SH3KBP1: variants seen among roughly 807,000 people sequenced by gnomAD.
SH3KBP1 encodes the protein SH3 domain-containing kinase-binding protein 1.
SH3KBP1 carries 8 observed loss-of-function variants against 50.1 expected under a neutral mutation model. The observed-to-expected ratio is 0.16, with a 90% CI of 0.09 to 0.29. SH3KBP1 has a LOEUF of 0.29. Among genes scored for constraint, SH3KBP1 ranks in the 10% least tolerant of loss-of-function variants. SH3KBP1 has a pLI of 1.00. For missense variants in SH3KBP1, 377 were observed against 535.2 expected (o/e 0.70, Z 2.92); for synonymous variants, 227 against 218.6 (o/e 1.04, Z -0.34).
intron 1 of SH3KBP1, among the ~76,000 whole-genome samples, chrX:19,847,242 C>T (rs1368968767): frequency 8.9e-6 from 1 of 111,767 alleles, no homozygotes; most frequent in Non-Finnish European, 1.9e-5. Flanking sequence ...TTCATTTATA[C>T]TCCCAGGTGT....
intron 2 of SH3KBP1, among the ~76,000 whole-genome samples, chrX:19,812,526 A>G (rs1363069261): frequency 9.0e-6 from 1 of 110,713 alleles, no homozygotes; most frequent in East Asian, 2.8e-4. Context: ...TACTGCCCAT[A>G]TGTTCCTTCA....
chrX:19,618,395 A>AAC (rs2067687629), intron 8 of SH3KBP1, among the ~76,000 whole-genome samples: 1 of 106,595 alleles, frequency 9.4e-6, no homozygotes, highest in African/African-American at 3.4e-5. Flanking sequence ...CAAAAAAAAA[A>AAC]AAAAAAAAAA....
intron 3 of SH3KBP1, among the ~76,000 whole-genome samples, chrX:19,715,060 G>T (rs1165609665): frequency 9.0e-6 from 1 of 111,178 alleles, no homozygotes; most frequent in Admixed American, 9.6e-5. Flanking sequence ...GATCACTTGA[G>T]CCCAGGAGTT....
chrX:19,663,511 G>A (rs956707504), intron 6 of SH3KBP1, among the ~76,000 whole-genome samples: 1 of 111,031 alleles, frequency 9.0e-6, no homozygotes, highest in African/African-American at 3.3e-5. Flanking sequence ...TATAGGCTCC[G>A]CACAGAGAAA....
intron 3 of SH3KBP1, among the ~76,000 whole-genome samples, chrX:19,742,953 C>T (rs1198154209): frequency 8.9e-6 from 1 of 112,189 alleles, no homozygotes; most frequent in Non-Finnish European, 1.9e-5. Flanking sequence ...AAACAGGAAG[C>T]TCTTTCACTG....
At chrX:19,581,181 G>A (rs1366826856) in intron 12 of SH3KBP1, among the ~76,000 whole-genome samples, 1 of 111,562 alleles carries the variant, frequency 9.0e-6, no homozygotes, top group Non-Finnish European at 1.9e-5. Flanking sequence ...GGCCTTAAGT[G>A]ATCCTCCTGC....
chrX:19,541,866 G>A, intron 16 of SH3KBP1, 59 bp downstream of exon 16: 1 of 1,152,533 alleles, frequency 8.7e-7, no homozygotes, highest in Non-Finnish European at 1.2e-6. Context: ...TCAGAACTAG[G>A]TGCTGGCCTG....
intron 13 of SH3KBP1, among the ~76,000 whole-genome samples, chrX:19,559,522 G>A (rs1487632084): frequency 1.9e-5 from 2 of 107,601 alleles, no homozygotes; most frequent in African/African-American, 6.8e-5. Flanking sequence ...GTAGAGACGG[G>A]ATTTCACCAT....
chrX:19,729,013 C>T (rs1022278684), intron 3 of SH3KBP1, among the ~76,000 whole-genome samples: 6 of 112,442 alleles, frequency 5.3e-5, no homozygotes, highest in African/African-American at 1.9e-4. Flanking sequence ...GAAGATAATT[C>T]CAGTGAGGGT....
intron 12 of SH3KBP1, among the ~76,000 whole-genome samples, chrX:19,580,317 T>C (rs758707638): frequency 2.1e-4 from 24 of 111,903 alleles, no homozygotes; most frequent in Non-Finnish European, 4.1e-4. Flanking sequence ...CCTGAATCTA[T>C]ATCTAGCACC....
chrX:19,752,575 TG>T (rs1377836348), intron 2 of SH3KBP1, among the ~76,000 whole-genome samples: 1 of 110,916 alleles, frequency 9.0e-6, no homozygotes, highest in Non-Finnish European at 1.9e-5. Context: ...CAGTTACACT[TG>T]GGGAGGTGTA....
chrX:19,710,427 G>A (rs758014554), intron 3 of SH3KBP1, among the ~76,000 whole-genome samples: 1 of 111,705 alleles, frequency 9.0e-6, no homozygotes, highest in African/African-American at 3.3e-5. Context: ...CAAACGCTAC[G>A]TCACAATGCC....
chrX:19,853,899 T>C (rs1269133999), intron 1 of SH3KBP1, among the ~76,000 whole-genome samples: 2 of 106,980 alleles, frequency 1.9e-5, no homozygotes, highest in Non-Finnish European at 3.9e-5. Context: ...GAGGCAGACG[T>C]TGCAGTGAGC....
At chrX:19,557,889 T>A (rs1383946708) in intron 13 of SH3KBP1, among the ~76,000 whole-genome samples, 1 of 111,728 alleles carries the variant, frequency 9.0e-6, no homozygotes, top group African/African-American at 3.3e-5. Flanking sequence ...TATGAAAGAA[T>A]GATAAAAGGT....
chrX:19,559,274 CAAAAAAAA>C (rs369794445), intron 13 of SH3KBP1, among the ~76,000 whole-genome samples: 47 of 8,616 alleles, frequency 5.5e-3, no homozygotes, highest in South Asian at 0.023. Flanking sequence ...TCTGTCTCAC[CAAAAAAAA>C]AAAAAAAAAA....
At chrX:19,793,313 A>AAAATATATATATATAT (rs1418807395) in intron 2 of SH3KBP1, among the ~76,000 whole-genome samples, 5 of 96,983 alleles carry the variant, frequency 5.2e-5, no homozygotes, top group African/African-American at 1.6e-4. Flanking sequence ...AGGAAAAAAA[A>AAAATATATATATATAT]ATATATATAT....
chrX:19,555,285 C>T (rs774236466), intron 13 of SH3KBP1, among the ~76,000 whole-genome samples: 11 of 112,029 alleles, frequency 9.8e-5, no homozygotes, highest in African/African-American at 3.2e-4. Flanking sequence ...ATGTTGGGCA[C>T]GATGGAGTTG....
At chrX:19,562,170 T>C (rs2065700747) in intron 13 of SH3KBP1, among the ~76,000 whole-genome samples, 1 of 112,154 alleles carries the variant, frequency 8.9e-6, no homozygotes, top group South Asian at 3.7e-4. Context: ...AATAAAGTGA[T>C]ACCAGAACAA....
chrX:19,616,998 T>C (rs2067635875), intron 8 of SH3KBP1, among the ~76,000 whole-genome samples: 1 of 111,388 alleles, frequency 9.0e-6, no homozygotes, highest in Non-Finnish European at 1.9e-5. Flanking sequence ...CATCTAGATC[T>C]ATACATTTCT....
Sources: gnomAD v4.1 joint callset for allele counts (sites outside exome capture counted in the v4.1 genomes callset) on GRCh38, gnomAD v4.1.1 for gene constraint, MANE v1.5 for transcripts, NCBI Gene and HGNC (gene_info 2026-07-23, HGNC 2026-07-21) for gene names.